The following CACNA2D1 variants were observed in gnomAD, a reference collection of about 807,000 sequenced individuals.
CACNA2D1 encodes calcium voltage-gated channel auxiliary subunit alpha2delta 1, also known as voltage-dependent calcium channel subunit alpha-2/delta-1.
In CACNA2D1, 53 loss-of-function variants were observed where a neutral mutation model predicts 171.5. That is an observed-to-expected ratio of 0.31 (90% confidence interval 0.25 to 0.39). The LOEUF is 0.39. CACNA2D1 is among the 10% of genes least tolerant of loss of function. The pLI, the probability that CACNA2D1 is intolerant of heterozygous loss-of-function variation, is 1.00. For synonymous variants in CACNA2D1, 442 were observed against 443.1 expected (o/e 1.00, Z 0.03); for missense variants, 903 against 1,299.8 (o/e 0.69, Z 4.69).
intron 3 of CACNA2D1, among the ~76,000 whole-genome samples, chr7:82,239,482 A>G (rs1206317975): frequency 6.6e-6 from 1 of 152,178 alleles, no homozygotes; most frequent in African/African-American, 2.4e-5. Flanking sequence ...TCTCATTAGT[A>G]GTGATAACAA....
chr7:82,439,943 A>G (rs891540091), intron 1 of CACNA2D1, among the ~76,000 whole-genome samples: 1 of 151,874 alleles, frequency 6.6e-6, no homozygotes, highest in African/African-American at 2.4e-5. Context: ...TTCAAGTGAG[A>G]ATAATTATGT....
chr7:81,999,338 C>T (rs1798357721), intron 18 of CACNA2D1, among the ~76,000 whole-genome samples: 2 of 152,086 alleles, frequency 1.3e-5, no homozygotes, highest in Admixed American at 1.3e-4. Flanking sequence ...TAAGAAAGCA[C>T]CAAGAGAGGC....
At chr7:81,974,025 ATTTC>A (rs1330273952) in intron 25 of CACNA2D1, among the ~76,000 whole-genome samples, 1 of 151,988 alleles carries the variant, frequency 6.6e-6, no homozygotes, top group African/African-American at 2.4e-5. Flanking sequence ...ATTAAGTGAT[ATTTC>A]TTTATACTTC....
At position 82,057,110 on chromosome 7, in the gene CACNA2D1, G is replaced by A. The variant is rs1264652329; in HGVS notation, c.879+3318C>T. ...TTGAACCATGGTGCTATGTGCTGAA[G>A]CCAGCTTGTAACTGCTAATAATAAT... On this transcript the variant is annotated intron_variant, in intron 10 of 38. Coordinates refer to ENST00000356860, the MANE Select transcript of CACNA2D1 (RefSeq NM_000722.4). 7.2e-4 allele frequency among the ~76,000 whole-genome samples: 109 copies of A among 152,148 alleles called. 1 individual carries two copies. The highest frequency in any genetic ancestry group is 7.1e-3 in the Admixed American group (109 of 15,262).
At chr7:82,371,547 T>C (rs921110435) in intron 1 of CACNA2D1, among the ~76,000 whole-genome samples, 4 of 152,200 alleles carry the variant, frequency 2.6e-5, no homozygotes, top group Non-Finnish European at 4.4e-5. Context: ...AATAAAAGTA[T>C]TGCTAATCTA....
Position 81,969,943 on chromosome 7 carries a change from T to C in CACNA2D1, c.2246A>G (p.Asp749Gly). ...ATCTAGGCTCCTTTTATAGAAGCTGTCCTCATATGTCTCTGGGTTTTCTTG... is the reference window on the plus strand; with the variant it reads ...ATCTAGGCTCCTTTTATAGAAGCTGCCCTCATATGTCTCTGGGTTTTCTTG... Reference protein sequence around the residue: ...NWQENPETYEDSFYKRSLDND... With the variant: ...NWQENPETYEGSFYKRSLDND... The change falls in exon 28 of 39, where the codon GAC (aspartate) becomes GGC (glycine). Residue 749 changes from aspartate (D) to glycine (G), a missense_variant. Coordinates refer to ENST00000356860, the MANE Select transcript of CACNA2D1 (RefSeq NM_000722.4). The C allele has an allele frequency of 6.2e-7, 1 of 1,608,946 alleles. No individual in the cohort carries two copies. The highest frequency in any genetic ancestry group is 8.5e-7 in the Non-Finnish European group (1 of 1,176,228).
chr7:82,393,665 G>T (rs1825445791), intron 1 of CACNA2D1, among the ~76,000 whole-genome samples: 1 of 152,040 alleles, frequency 6.6e-6, no homozygotes, highest in Non-Finnish European at 1.5e-5. Flanking sequence ...AAGCTCTCGG[G>T]TGTGGCTACT....
intron 7 of CACNA2D1, among the ~76,000 whole-genome samples, chr7:82,069,111 G>A (rs1808013422): frequency 6.6e-6 from 1 of 152,080 alleles, no homozygotes; most frequent in Non-Finnish European, 1.5e-5. Context: ...AATTTCTTCT[G>A]TGATATTACT....
At chr7:82,426,142 A>AATAT (rs1403371659) in intron 1 of CACNA2D1, among the ~76,000 whole-genome samples, 24 of 16,876 alleles carry the variant, frequency 1.4e-3, no homozygotes, top group African/African-American at 3.0e-3. Flanking sequence ...AAAATATATA[A>AATAT]ATAAATAAAT....
At chr7:82,110,555 CA>C (rs1221898812) in intron 6 of CACNA2D1, among the ~76,000 whole-genome samples, 4 of 152,304 alleles carry the variant, frequency 2.6e-5, no homozygotes, top group Middle Eastern at 3.4e-3. Flanking sequence ...AGAGTCTTTG[CA>C]ATCGTCCATA....
chr7:82,292,835 T>A (rs1021382742), intron 3 of CACNA2D1, among the ~76,000 whole-genome samples: 7 of 152,142 alleles, frequency 4.6e-5, no homozygotes, highest in Admixed American at 1.3e-4. Context: ...AAACAAATTT[T>A]ATATGAATAT....
In CACNA2D1 at chr7:82,443,385, C is replaced by A; in HGVS notation, c.75G>T (p.Glu25Asp). Residue 25 changes from glutamate to aspartate, a missense_variant, in exon 1 of 39, where the codon GAG (glutamate) becomes GAT (aspartate). Transcript: ENST00000356860. Reference protein sequence around the residue: ...QSLLIGPSSEEPFPSAVTIKS... With the variant: ...QSLLIGPSSEDPFPSAVTIKS... ...CTTACGTGACGGCCGAAGGGAACGG[C>A]TCCTCCGACGAGGGGCCGATGAGCA... 1 of 1,604,510 alleles carries A rather than the reference C, an allele frequency of 6.2e-7. No homozygotes were observed. Among genetic ancestry groups the A allele is most frequent in the Non-Finnish European group, 8.5e-7 (1 of 1,175,526 alleles).
At chr7:82,232,701 T>C (rs1803084292) in intron 3 of CACNA2D1, among the ~76,000 whole-genome samples, 2 of 151,342 alleles carry the variant, frequency 1.3e-5, no homozygotes, top group South Asian at 4.2e-4. Flanking sequence ...CCGTCTCTAC[T>C]AAAAATACAA....
At chr7:82,157,683 T>C (rs918487290) in intron 4 of CACNA2D1, among the ~76,000 whole-genome samples, 21 of 152,076 alleles carry the variant, frequency 1.4e-4, no homozygotes, top group African/African-American at 4.8e-4. Flanking sequence ...CTAGTCATTT[T>C]CAGCATAGGA....
intron 3 of CACNA2D1, among the ~76,000 whole-genome samples, chr7:82,334,308 T>C (rs772527359): frequency 5.3e-4 from 81 of 152,300 alleles, no homozygotes; most frequent in Non-Finnish European, 1.1e-3. Context: ...CCCTACAATC[T>C]AGCAATTCTA....
intron 12 of CACNA2D1, among the ~76,000 whole-genome samples, chr7:82,016,619 C>T (rs1425129411): frequency 3.2e-5 from 4 of 124,378 alleles, no homozygotes; most frequent in Admixed American, 8.1e-5. Flanking sequence ...CGCCCCCCCC[C>T]CCCAAAAAAA....
intron 3 of CACNA2D1, among the ~76,000 whole-genome samples, chr7:82,284,007 T>A (rs1032603700): frequency 1.3e-5 from 2 of 151,618 alleles, no homozygotes; most frequent in African/African-American, 4.8e-5. Flanking sequence ...AAGTTAGAGA[T>A]GGTCTGTTTA....
chr7:82,354,962 T>A (rs1262448354), intron 1 of CACNA2D1, among the ~76,000 whole-genome samples: 1 of 152,200 alleles, frequency 6.6e-6, no homozygotes, highest in African/African-American at 2.4e-5. Context: ...AAGGCTTATC[T>A]CTTTATATCT....
At chr7:82,304,263 C>A (rs1813420597) in intron 3 of CACNA2D1, among the ~76,000 whole-genome samples, 1 of 150,462 alleles carries the variant, frequency 6.6e-6, no homozygotes, top group African/African-American at 2.4e-5. Flanking sequence ...TTACTACAGC[C>A]ACTACAGAAA....
Sources: allele counts gnomAD v4.1 joint callset (sites outside exome capture counted in the v4.1 genomes callset), GRCh38; gene constraint gnomAD v4.1.1; transcripts MANE v1.5; gene names NCBI Gene and HGNC (gene_info 2026-07-23, HGNC 2026-07-21).